The following SAXO1 variants were observed in gnomAD, a reference collection of about 807,000 sequenced individuals.
SAXO1 encodes stabilizer of axonemal microtubules 1, also known as 4930500O09Rik.
SAXO1 carries 21 observed loss-of-function variants against 17.5 expected under a neutral mutation model. That is an observed-to-expected ratio of 1.20 (90% CI 0.85 to 1.72). SAXO1 has a LOEUF of 1.72. Among genes scored for constraint, SAXO1 ranks in the 40% most tolerant of loss-of-function variants. The pLI is 0.00. For synonymous variants in SAXO1, 274 were observed against 216.5 expected, an observed-to-expected ratio of 1.27 and a Z score of -2.33; for missense variants, 843 against 596.0, an observed-to-expected ratio of 1.41 and a Z score of -4.32.
chr9:19,027,406 G>C, intron 1 of SAXO1: 1 of 759,420 alleles, frequency 1.3e-6, no homozygotes, highest in Non-Finnish European at 2.4e-6. Flanking sequence ...CAGTGACACT[G>C]GGGGCTTGGA....
At chr9:18,944,853 T>C (rs1831721857) in intron 2 of SAXO1, among the ~76,000 whole-genome samples, 1 of 152,228 alleles carries the variant, frequency 6.6e-6, no homozygotes, top group African/African-American at 2.4e-5. Context: ...AACACTTTTT[T>C]TAAACCTGTT....
chr9:18,994,353 T>C (rs1021847407), intron 1 of SAXO1, among the ~76,000 whole-genome samples: 1 of 152,218 alleles, frequency 6.6e-6, no homozygotes, highest in African/African-American at 2.4e-5. Flanking sequence ...ACTGTTTTCT[T>C]AGGATCTGTC....
At chr9:18,934,992 T>C (rs901605790) in intron 3 of SAXO1, among the ~76,000 whole-genome samples, 2 of 152,198 alleles carry the variant, frequency 1.3e-5, no homozygotes, top group African/African-American at 4.8e-5. Flanking sequence ...AGTGGCACGA[T>C]CTCAGCTCAC....
intron 1 of SAXO1, among the ~76,000 whole-genome samples, chr9:18,975,209 G>A (rs1405467434): frequency 1.4e-4 from 1 of 6,944 alleles, no homozygotes; most frequent in Admixed American, 9.5e-4. Context: ...GAGGCTGCAG[G>A]CTGGGGAAGC....
intron 1 of SAXO1, among the ~76,000 whole-genome samples, chr9:19,020,127 A>G (rs988497148): frequency 1.3e-5 from 2 of 152,086 alleles, no homozygotes; most frequent in African/African-American, 4.8e-5. Context: ...GCGTAGCACT[A>G]AGTTAATGCT....
At chr9:18,935,490 G>C (rs1200783492) in intron 3 of SAXO1, among the ~76,000 whole-genome samples, 1 of 152,138 alleles carries the variant, frequency 6.6e-6, no homozygotes, top group Admixed American at 6.5e-5. Flanking sequence ...GATTGCCCTT[G>C]AGCCTGCATG....
At chr9:19,023,300 CTTCTTCA>C (rs1183859793) in intron 1 of SAXO1, among the ~76,000 whole-genome samples, 2 of 152,314 alleles carry the variant, frequency 1.3e-5, no homozygotes, top group African/African-American at 4.8e-5. Flanking sequence ...GGCAAGTACA[CTTCTTCA>C]TTCTTCATTG....
intron 1 of SAXO1, among the ~76,000 whole-genome samples, chr9:18,972,148 G>C (rs1030533964): frequency 6.6e-6 from 1 of 152,194 alleles, no homozygotes; most frequent in African/African-American, 2.4e-5. Flanking sequence ...AAGTTCAAGG[G>C]AATGAAGAGG....
intron 1 of SAXO1, among the ~76,000 whole-genome samples, chr9:18,963,191 G>A (rs1000204857): frequency 6.6e-6 from 1 of 152,148 alleles, no homozygotes; most frequent in African/African-American, 2.4e-5. Flanking sequence ...ATGCTGTTTT[G>A]GTTATCGTAG....
intron 1 of SAXO1, among the ~76,000 whole-genome samples, chr9:18,983,474 A>G (rs924941136): frequency 6.6e-6 from 1 of 152,216 alleles, no homozygotes; most frequent in Non-Finnish European, 1.5e-5. Context: ...AAACCATACC[A>G]AAAGTTTTTA....
chr9:18,961,459 G>C (rs543563886), intron 1 of SAXO1, among the ~76,000 whole-genome samples: 1 of 152,112 alleles, frequency 6.6e-6, no homozygotes, highest in Non-Finnish European at 1.5e-5. Flanking sequence ...ATCTACGTTA[G>C]GTATTACTCC....
chr9:19,020,404 T>C (rs1331548370), intron 1 of SAXO1, among the ~76,000 whole-genome samples: 1 of 151,638 alleles, frequency 6.6e-6, no homozygotes, highest in Non-Finnish European at 1.5e-5. Context: ...GATTCAGTGG[T>C]GCGATCTCAG....
chr9:19,004,709 G>A (rs1418872049), intron 1 of SAXO1, among the ~76,000 whole-genome samples: 2 of 152,108 alleles, frequency 1.3e-5, no homozygotes, highest in African/African-American at 4.8e-5. Context: ...CACCCTGGGG[G>A]CCTGTTGTGG....
chr9:18,963,047 A>C (rs1832553703), intron 1 of SAXO1, among the ~76,000 whole-genome samples: 1 of 152,198 alleles, frequency 6.6e-6, no homozygotes, highest in Non-Finnish European at 1.5e-5. Context: ...ACCATTTATT[A>C]AATAGGGAAT....
upstream of SAXO1, among the ~76,000 whole-genome samples, chr9:19,033,642 T>TGC (rs1835859816): frequency 6.6e-6 from 1 of 152,238 alleles, no homozygotes; most frequent in Non-Finnish European, 1.5e-5. Flanking sequence ...CCTGCGCTCT[T>TGC]GAGAACACAG....
At chr9:18,963,566 T>G (rs1489097451) in intron 1 of SAXO1, among the ~76,000 whole-genome samples, 2 of 152,212 alleles carry the variant, frequency 1.3e-5, no homozygotes, top group East Asian at 3.8e-4. Flanking sequence ...GTAGCAATTG[T>G]GAATGGAAGT....
intron 1 of SAXO1, among the ~76,000 whole-genome samples, chr9:18,982,717 G>A (rs1255795400): frequency 6.6e-6 from 1 of 152,196 alleles, no homozygotes; most frequent in Non-Finnish European, 1.5e-5. Flanking sequence ...TAATTCACTG[G>A]ATGTAGAGAT....
At position 18,928,359 on chromosome 9, in the gene SAXO1, G is replaced by C; in HGVS notation, c.1118C>G (p.Thr373Ser). The C allele has an allele frequency of 6.2e-7, 1 of 1,613,438 alleles. No individual in the cohort carries two copies. The highest frequency in any genetic ancestry group is 8.5e-7 in the Non-Finnish European group (1 of 1,179,724). The change falls in exon 4 of 4, where the codon ACC becomes AGC. Residue 373 changes from threonine to serine, a missense_variant. Physicochemically the swap from Thr to Ser is moderately conservative, Grantham distance 58. Coordinates refer to ENST00000380534, the MANE Select transcript of SAXO1 (RefSeq NM_153707.4). ...GTGGGGCACATAGTGGGCCCGAGTG[G>C]TGGTCAGGCAGTCCAGGGGCTCGGT... ...LPTEPLDCLT[T>S]TRAHYVPHLP...
chr9:19,005,946 A>C (rs4395970), intron 1 of SAXO1, among the ~76,000 whole-genome samples: 73,289 of 151,730 alleles, frequency 0.48, 18,742 homozygotes, highest in Non-Finnish European at 0.57. Flanking sequence ...AAAACAAAAA[A>C]AACAAACAAA....
Sources: allele counts gnomAD v4.1 joint callset (sites outside exome capture counted in the v4.1 genomes callset), GRCh38; gene constraint gnomAD v4.1.1; transcripts MANE v1.5; gene names NCBI Gene and HGNC (gene_info 2026-07-23, HGNC 2026-07-21).